Variants in TNFAIP8 observed in about 807,000 individuals in gnomAD.
TNFAIP8 encodes tumor necrosis factor alpha-induced protein 8.
A neutral mutation model predicts 13.3 loss-of-function variants in TNFAIP8; 7 were observed. That is an observed-to-expected ratio of 0.52 (90% CI 0.30 to 0.99). The LOEUF is 0.99. TNFAIP8 is among the 50% of genes least tolerant of loss of function. The pLI, the probability that TNFAIP8 is intolerant of heterozygous loss-of-function variation, is 0.07. For synonymous variants in TNFAIP8, 94 were observed against 87.6 expected, an observed-to-expected ratio of 1.07 and a Z score of -0.41; for missense variants, 258 against 236.9, an observed-to-expected ratio of 1.09 and a Z score of -0.58.
chr5:119,304,997 A>G (rs2112659068), intron 1 of TNFAIP8, among the ~76,000 whole-genome samples: 1 of 152,328 alleles, frequency 6.6e-6, no homozygotes, highest in East Asian at 1.9e-4. Flanking sequence ...TGACATAAAG[A>G]GAAAATACCA....
At chr5:119,314,265 C>G (rs922692107) in intron 1 of TNFAIP8, among the ~76,000 whole-genome samples, 2 of 152,238 alleles carry the variant, frequency 1.3e-5, no homozygotes, top group Non-Finnish European at 2.9e-5. Flanking sequence ...GGGACAGGGT[C>G]TGGCCAGTGG....
intron 1 of TNFAIP8, among the ~76,000 whole-genome samples, chr5:119,319,303 C>A (rs1014677457): frequency 5.9e-5 from 9 of 152,116 alleles, no homozygotes; most frequent in Non-Finnish European, 1.3e-4. Context: ...ATAAAATAAT[C>A]CGTTTGGATA....
chr5:119,296,749 C>G (rs527616889), intron 1 of TNFAIP8, among the ~76,000 whole-genome samples: 7 of 152,082 alleles, frequency 4.6e-5, no homozygotes, highest in Admixed American at 3.9e-4. Context: ...GTGAATCCAT[C>G]TGGTCCTGGA....
chr5:119,283,941 G>A (rs9327095), intron 1 of TNFAIP8, among the ~76,000 whole-genome samples: 1 of 151,194 alleles, frequency 6.6e-6, no homozygotes, highest in African/African-American at 2.4e-5. Context: ...CTTGTTCTTC[G>A]CCTGTTCTCA....
Position 119,292,669 on chromosome 5 carries a change from TATATATATATATATATACACACACACAC to T in TNFAIP8, c.1+23764_1+23791del, listed in dbSNP as rs1265079628. On this transcript the variant is annotated intron_variant, in intron 1 of 1. Transcript: ENST00000274456. ...GCATATATATATATATATATATATA[TATATATATATATATATACACACACACAC>T]AATGAAATACTATTTAGCAATAAAA... is the stretch of plus-strand genomic sequence containing the variant. 1.4e-4 allele frequency among the ~76,000 whole-genome samples: 6 copies of T among 44,188 alleles called. No homozygotes were observed. In the South Asian group the frequency reaches 4.7e-3, roughly 35 times the overall value. The allele number at this position is 44,188 out of a possible 152,430, so 29.0% of individuals were successfully genotyped here. A position where few individuals can be genotyped will look rare whatever the true frequency, so the allele number is the denominator to read the frequency against.
rs999721461 is a variant in TNFAIP8, at chr5:119,381,789, G to A, written c.32-11027G>A. ...CTCTACTAAAAATACAAAATTAGTC[G>A]GGCATGGTGGTGGGCACCTGTAGTC... is the stretch of plus-strand genomic sequence containing the variant. On this transcript the variant is annotated intron_variant, in intron 1 of 1. Transcript: ENST00000504771. Among the ~76,000 whole-genome samples, 15 of 151,920 alleles carry A rather than the reference G, an allele frequency of 9.9e-5. 1 individual carries two copies. The South Asian group carries it at 1.2e-3, about 13-fold the overall frequency.
chr5:119,394,610 G>GTTTTTTTTTTTTTTTTTTTTTTTT lies in TNFAIP8; in HGVS notation c.*1229_*1230insTTTTTTTTTTTTTTTTTTTTTTTT. The GTTTTTTTTTTTTTTTTTTTTTTTT allele has an allele frequency of 9.8e-6, 1 of 102,128 alleles. No homozygotes were observed. Among genetic ancestry groups the GTTTTTTTTTTTTTTTTTTTTTTTT allele is most frequent in the Non-Finnish European group, 1.9e-5 (1 of 52,152 alleles). 6.3% of individuals were successfully genotyped at this position (102,128 alleles called of 1,614,324 possible). A position where few individuals can be genotyped will look rare whatever the true frequency, so the allele number is the denominator to read the frequency against. On this transcript the variant is annotated 3_prime_UTR_variant, in exon 2 of 2. Transcript: ENST00000504771. Reference sequence around the variant, plus strand: ...ACATTTCCATTGTCACTGTGTCTATGATTTTTTTTTTTTTTTTTTTGAGTC... The same window carrying GTTTTTTTTTTTTTTTTTTTTTTTT: ...ACATTTCCATTGTCACTGTGTCTATGTTTTTTTTTTTTTTTTTTTTTTTTATTTTTTTTTTTTTTTTTTTGAGTC...
intron 1 of TNFAIP8, among the ~76,000 whole-genome samples, chr5:119,305,197 T>TA (rs907231390): frequency 6.6e-6 from 1 of 152,184 alleles, no homozygotes; most frequent in African/African-American, 2.4e-5. Context: ...TGGGGTATCT[T>TA]AAAAAACCTC....
upstream of TNFAIP8, chr5:119,355,814 C>T (rs1751380101): frequency 1.2e-6 from 1 of 824,464 alleles, no homozygotes; most frequent in African/African-American, 1.8e-5. Flanking sequence ...CCGAGCCAGC[C>T]CCGCCAGGTC....
At chr5:119,344,286 G>A (rs932677645) in intron 1 of TNFAIP8, among the ~76,000 whole-genome samples, 2 of 152,154 alleles carry the variant, frequency 1.3e-5, no homozygotes, top group African/African-American at 4.8e-5. Flanking sequence ...AAGAGAGAGG[G>A]GAGGAGGTAC....
At chr5:119,296,939 G>T (rs1295750652) in intron 1 of TNFAIP8, among the ~76,000 whole-genome samples, 8 of 151,804 alleles carry the variant, frequency 5.3e-5, no homozygotes, top group Non-Finnish European at 1.2e-4. Flanking sequence ...ATTCTCTGAT[G>T]GTAGTTTGTA....
chr5:119,383,076 CCAAACTT>C (rs1221973383), intron 1 of TNFAIP8, among the ~76,000 whole-genome samples: 1 of 152,152 alleles, frequency 6.6e-6, no homozygotes, highest in African/African-American at 2.4e-5. Flanking sequence ...ACACTGTTTC[CCAAACTT>C]ATTTAACTAG....
At chr5:119,330,756 T>G (rs1425309933) in intron 1 of TNFAIP8, among the ~76,000 whole-genome samples, 1 of 151,990 alleles carries the variant, frequency 6.6e-6, no homozygotes, top group Admixed American at 6.6e-5. Flanking sequence ...ATGGCCACCA[T>G]CATGTGTTTG....
upstream of TNFAIP8, chr5:119,355,789 C>T (rs886128402): frequency 2.1e-6 from 1 of 482,946 alleles, no homozygotes; most frequent in Non-Finnish European, 2.8e-6. Flanking sequence ...TGTGCCCCAC[C>T]TGCGTGCGCC....
chr5:119,327,048 G>A (rs373159084), intron 1 of TNFAIP8, among the ~76,000 whole-genome samples: 1 of 152,184 alleles, frequency 6.6e-6, no homozygotes, highest in African/African-American at 2.4e-5. Flanking sequence ...ATAGGGGCTC[G>A]GGCTCCCATG....
chr5:119,301,943 G>T (rs746652950), intron 1 of TNFAIP8, among the ~76,000 whole-genome samples: 2 of 152,194 alleles, frequency 1.3e-5, no homozygotes, highest in African/African-American at 2.4e-5. Context: ...GAACTAGAGA[G>T]GTGTGAAACA....
chr5:119,297,931 C>T (rs1386569306), intron 1 of TNFAIP8, among the ~76,000 whole-genome samples: 1 of 150,898 alleles, frequency 6.6e-6, no homozygotes, highest in African/African-American at 2.5e-5. Flanking sequence ...ATTGCAACCC[C>T]TGCCTTTTTT....
At chr5:119,303,793 A>G (rs1337080201) in intron 1 of TNFAIP8, among the ~76,000 whole-genome samples, 1 of 152,232 alleles carries the variant, frequency 6.6e-6, no homozygotes, top group Admixed American at 6.5e-5. Flanking sequence ...CACATTGTTT[A>G]AGTGAACCCT....
chr5:119,301,666 T>C (rs1581585806), intron 1 of TNFAIP8, among the ~76,000 whole-genome samples: 1 of 152,364 alleles, frequency 6.6e-6, no homozygotes, highest in East Asian at 1.9e-4. Context: ...CTGTGATTTA[T>C]GATTTTTGAA....
Sources: gnomAD v4.1 joint callset for allele counts (sites outside exome capture counted in the v4.1 genomes callset) on GRCh38, gnomAD v4.1.1 for gene constraint, MANE v1.5 for transcripts, NCBI Gene and HGNC (gene_info 2026-07-23, HGNC 2026-07-21) for gene names.